The following CEP57 variants were observed in gnomAD, a reference collection of about 807,000 sequenced individuals.
CEP57 encodes the protein centrosomal protein of 57 kDa.
A neutral mutation model predicts 68.0 loss-of-function variants in CEP57; 40 were observed. The ratio of observed to expected loss-of-function variants is 0.59; its 90% CI spans 0.46 to 0.77. The LOEUF is 0.77. Ranked by LOEUF, CEP57 falls within the 30% of genes least tolerant of loss-of-function variation. The pLI is 0.00. For synonymous variants in CEP57, 219 were observed against 198.7 expected (o/e 1.10, Z -0.86); for missense variants, 606 against 580.7 (o/e 1.04, Z -0.45).
chr11:95,794,206 C>T (rs757089782), intron 1 of CEP57: 1 of 391,052 alleles, frequency 2.6e-6, no homozygotes, highest in Non-Finnish European at 5.2e-6. Context: ...AGTGATTTTT[C>T]TTTTTTTTTT....
chr11:95,790,680 C>G lies in CEP57; in HGVS notation c.-19C>G. Reference sequence around the variant, plus strand: ...TAGACCGCCCCCGAAGTGCGGAGACCCCCTGGGCAGGCTGAAAGATGGCGG... The same window carrying G: ...TAGACCGCCCCCGAAGTGCGGAGACGCCCTGGGCAGGCTGAAAGATGGCGG... On this transcript the variant is annotated 5_prime_UTR_variant, in exon 1 of 11. Coordinates refer to ENST00000325542, the MANE Select transcript of CEP57 (RefSeq NM_014679.5). 6.2e-7 allele frequency: 1 copy of G among 1,613,404 alleles called. No homozygotes were observed. Among genetic ancestry groups the G allele is most frequent in the Non-Finnish European group, 8.5e-7 (1 of 1,179,744 alleles).
chr11:95,825,829 C>T (rs1389318693), intron 8 of CEP57: 1 of 152,068 alleles, frequency 6.6e-6, no homozygotes, highest in East Asian at 1.9e-4. Flanking sequence ...AAATCCTGAC[C>T]TTAGGTGATC....
chr11:95,799,512 C>A, intron 2 of CEP57, 124 bp downstream of exon 2: 1 of 1,169,334 alleles, frequency 8.6e-7, no homozygotes, highest in Non-Finnish European at 1.3e-6. Context: ...CAGTTTCAGC[C>A]CCCAGAAAAT....
chr11:95,807,228 A>G (rs1401107209), intron 2 of CEP57, among the ~76,000 whole-genome samples: 1 of 152,210 alleles, frequency 6.6e-6, no homozygotes, highest in Non-Finnish European at 1.5e-5. Flanking sequence ...CCATCATCAG[A>G]CCAAAGGTAG....
intron 8 of CEP57, chr11:95,826,633 T>A (rs1374225497): frequency 6.6e-6 from 1 of 152,220 alleles, no homozygotes. Flanking sequence ...GAGTTTTGAC[T>A]ACATGGGTGG....
At chr11:95,810,346 G>T (rs1862001414) in intron 2 of CEP57, among the ~76,000 whole-genome samples, 1 of 152,114 alleles carries the variant, frequency 6.6e-6, no homozygotes, top group Admixed American at 6.5e-5. Context: ...GGAACTTCTG[G>T]CCAGGGCAAT....
intron 1 of CEP57, among the ~76,000 whole-genome samples, chr11:95,798,888 C>G (rs1238017006): frequency 1.3e-5 from 2 of 152,034 alleles, no homozygotes; most frequent in Non-Finnish European, 2.9e-5. Context: ...GTTTCTGGTC[C>G]TGTAAAAATA....
chr11:95,824,291 C>T (rs996962943), intron 8 of CEP57, among the ~76,000 whole-genome samples: 1 of 151,994 alleles, frequency 6.6e-6, no homozygotes, highest in Admixed American at 6.6e-5. Flanking sequence ...TCTGTCACTG[C>T]AGCTACTCTA....
At chr11:95,830,567 A>G (rs991863238) in intron 10 of CEP57, among the ~76,000 whole-genome samples, 2 of 152,170 alleles carry the variant, frequency 1.3e-5, no homozygotes, top group African/African-American at 4.8e-5. Flanking sequence ...CTGTTCATCC[A>G]TCTGGAAATT....
intron 2 of CEP57, among the ~76,000 whole-genome samples, chr11:95,809,545 AC>A: frequency 6.6e-6 from 1 of 152,232 alleles, no homozygotes; most frequent in East Asian, 1.9e-4. Flanking sequence ...AGAAATACAG[AC>A]TACCATCAGC....
chr11:95,790,894 A>T, intron 1 of CEP57, 151 bp downstream of exon 1: 1 of 944,062 alleles, frequency 1.1e-6, no homozygotes, highest in South Asian at 1.4e-5. Flanking sequence ...CCAAGCTTCC[A>T]TTCACTGTGG....
intron 9 of CEP57, among the ~76,000 whole-genome samples, chr11:95,828,657 A>G (rs747048938): frequency 1.3e-5 from 2 of 152,212 alleles, no homozygotes; most frequent in African/African-American, 2.4e-5. Flanking sequence ...TACATATACA[A>G]TACTCTTTTG....
chr11:95,819,054 T>C, intron 6 of CEP57, 150 bp downstream of exon 6: 1 of 679,100 alleles, frequency 1.5e-6, no homozygotes, highest in Non-Finnish European at 2.6e-6. Flanking sequence ...TAGAAAATTA[T>C]GAACAAGTAT....
In CEP57 at chr11:95,790,510, G is replaced by A. The variant is rs1420926941; in HGVS notation, c.-189G>A. On this transcript the variant is annotated 5_prime_UTR_variant, in exon 1 of 11. Transcript: ENST00000325542. Reference sequence around the variant, plus strand: ...AGGACGTGTTGCCCTTTCTGTGTAAGCTGTGAGCGTAGGCGGCCCTGAGGG... The same window carrying A: ...AGGACGTGTTGCCCTTTCTGTGTAAACTGTGAGCGTAGGCGGCCCTGAGGG... 3.8e-5 allele frequency: 24 copies of A among 632,660 alleles called. No homozygotes were observed. The Middle Eastern group carries it at 5.4e-3, about 142-fold the overall frequency. 39.2% of individuals were successfully genotyped at this position (632,660 alleles called of 1,614,324 possible).
intron 2 of CEP57, among the ~76,000 whole-genome samples, chr11:95,812,286 A>G (rs201002159): frequency 6.6e-6 from 1 of 152,094 alleles, no homozygotes; most frequent in East Asian, 1.9e-4. Context: ...TAAGACAGTA[A>G]TGTACTTTAG....
At chr11:95,800,763 GGTTAT>G (rs148799670) in intron 2 of CEP57, among the ~76,000 whole-genome samples, 8,113 of 152,158 alleles carry the variant, frequency 0.053, 266 homozygotes, top group Middle Eastern at 0.1. Context: ...AAAATTTTCT[GGTTAT>G]GTTATCAGAT....
At position 95,790,762 on chromosome 11, in the gene CEP57, G is replaced by C. The variant is rs762189464; in HGVS notation, c.45+19G>C. 6.2e-7 allele frequency: 1 copy of C among 1,613,746 alleles called. No individual in the cohort carries two copies. Among genetic ancestry groups the C allele is most frequent in the Admixed American group, 1.7e-5 (1 of 59,982 alleles). On this transcript the variant is annotated intron_variant, in intron 1 of 10. Coordinates refer to ENST00000325542, the MANE Select transcript of CEP57 (RefSeq NM_014679.5). ...CTTGTCGGTAAGAAGCAGTTGGCGC[G>C]AGTGGGCCCCACGTCGGCCCTAAGC... is the stretch of plus-strand genomic sequence containing the variant.
At chr11:95,821,004 G>C (rs558165589) in intron 6 of CEP57, among the ~76,000 whole-genome samples, 1 of 152,256 alleles carries the variant, frequency 6.6e-6, no homozygotes, top group Non-Finnish European at 1.5e-5. Context: ...CAGTGGTTCT[G>C]AATATTTGTT....
chr11:95,790,899 CTG>C (rs1861012190), intron 1 of CEP57, among the ~76,000 whole-genome samples, 156 bp downstream of exon 1: 1 of 152,208 alleles, frequency 6.6e-6, no homozygotes, highest in South Asian at 2.1e-4. Context: ...CTTCCATTCA[CTG>C]TGGCTGTGTC....
Sources: allele counts gnomAD v4.1 joint callset (sites outside exome capture counted in the v4.1 genomes callset), GRCh38; gene constraint gnomAD v4.1.1; transcripts MANE v1.5; gene names NCBI Gene and HGNC (gene_info 2026-07-23, HGNC 2026-07-21).